The following TSGA10 variants were observed in gnomAD, a reference collection of about 807,000 sequenced individuals.
The protein encoded by TSGA10 is testis-specific gene 10 protein.
A neutral mutation model predicts 96.6 loss-of-function variants in TSGA10; 43 were observed. The ratio of observed to expected loss-of-function variants is 0.44; its 90% CI spans 0.35 to 0.57. TSGA10 has a LOEUF of 0.57. Among genes scored for constraint, TSGA10 ranks in the 20% least tolerant of loss-of-function variants. The pLI is 0.01. For synonymous variants in TSGA10, 229 were observed against 269.9 expected (o/e 0.85, Z 1.48); for missense variants, 703 against 834.4 (o/e 0.84, Z 1.94).
At chr2:99,103,756 A>G (rs1016893394) in intron 10 of TSGA10, among the ~76,000 whole-genome samples, 1 of 152,230 alleles carries the variant, frequency 6.6e-6, no homozygotes, top group Non-Finnish European at 1.5e-5. Flanking sequence ...TAAGATTACT[A>G]GAAGTGTGAT....
Position 99,081,349 on chromosome 2 carries a change from G to C in TSGA10, c.660C>G (p.His220Gln), listed in dbSNP as rs369985092. 2 of 1,594,522 alleles carry C rather than the reference G, an allele frequency of 1.3e-6. No individual in the cohort carries two copies. The highest frequency in any genetic ancestry group is 1.7e-6 in the Non-Finnish European group (2 of 1,170,626). Residue 220 changes from histidine to glutamine, a missense_variant, in exon 11 of 21, where the codon CAC (histidine) becomes CAG (glutamine). Coordinates refer to ENST00000393483, the MANE Select transcript of TSGA10 (RefSeq NM_025244.4). ...TEKDLSDTQRHLAKKKYELQL... is the reference protein window; with the variant it reads ...TEKDLSDTQRQLAKKKYELQL... ...GTAGCTCATATTTTTTCTTAGCAAG[G>C]TGTCGCTGAGTATCAGAAAGATCTT...
intron 20 of TSGA10, 111 bp from the exon 21 acceptor site, chr2:98,998,332 T>A (rs1281417617): frequency 3.4e-6 from 3 of 872,906 alleles, no homozygotes; most frequent in Non-Finnish European, 5.3e-6. Flanking sequence ...AGATTTTTCT[T>A]CATTTCTATG....
intron 1 of TSGA10, chr2:99,141,101 CCCCGGG>C (rs2093527156): frequency 7.8e-7 from 1 of 1,284,370 alleles, no homozygotes; most frequent in African/African-American, 1.5e-5. Context: ...CCGGGTCCCT[CCCCGGG>C]CTCCTCGGCC....
intron 16 of TSGA10, among the ~76,000 whole-genome samples, chr2:99,053,824 G>GA (rs1213933556): frequency 6.6e-6 from 1 of 151,918 alleles, no homozygotes; most frequent in South Asian, 2.1e-4. Context: ...AATAGCATAA[G>GA]AAAAAAGATG....
intron 16 of TSGA10, among the ~76,000 whole-genome samples, chr2:99,043,525 A>G (rs1323154101): frequency 1.3e-5 from 2 of 152,210 alleles, no homozygotes; most frequent in Non-Finnish European, 2.9e-5. Flanking sequence ...TTTCATCTTC[A>G]TATTTAGCAT....
intron 16 of TSGA10, among the ~76,000 whole-genome samples, chr2:99,045,648 A>G (rs969568284): frequency 1.6e-4 from 25 of 152,342 alleles, no homozygotes; most frequent in Middle Eastern, 3.4e-3. Context: ...TGTAAAGACC[A>G]TTGATGCTAG....
At chr2:99,018,672 C>A in intron 18 of TSGA10, 32 bp from the exon 19 acceptor site, 1 of 1,562,956 alleles carries the variant, frequency 6.4e-7, no homozygotes, top group Non-Finnish European at 8.7e-7. Context: ...TTATAGTTGA[C>A]TAAACTTAAA....
At chr2:99,143,146 T>C (rs2093591758) in intron 1 of TSGA10, among the ~76,000 whole-genome samples, 2 of 131,452 alleles carry the variant, frequency 1.5e-5, no homozygotes, top group Non-Finnish European at 3.2e-5. Flanking sequence ...TTTTTTTTTT[T>C]TTTTTTTTTT....
At chr2:99,130,172 G>C (rs1413218682) in intron 1 of TSGA10, among the ~76,000 whole-genome samples, 3 of 152,132 alleles carry the variant, frequency 2.0e-5, no homozygotes, top group African/African-American at 7.2e-5. Context: ...GTGTCAAATG[G>C]TATTTCTGAT....
At position 99,109,403 on chromosome 2, in the gene TSGA10, A is replaced by T. The variant is rs751453745; in HGVS notation, c.37T>A (p.Ser13Thr). The change falls in exon 6 of 21, where the codon TCA (serine) becomes ACA (threonine). Residue 13 changes from serine to threonine, a missense_variant. Around this residue, in one of 3 missense-constraint regions of TSGA10, gnomAD observed 585 missense variants for 656.8 expected, o/e 0.89. Transcript: ENST00000393483. ...RSRSKSPRRP[S>T]PTARGANCDV... ...ATAAAACCTACCCGGGCAGTTGGTGATGGGCGTCTTGGACTTTTAGACCTA... is the reference window on the plus strand; with the variant it reads ...ATAAAACCTACCCGGGCAGTTGGTGTTGGGCGTCTTGGACTTTTAGACCTA... 1.5e-5 allele frequency: 24 copies of T among 1,614,032 alleles called. No homozygotes were observed. The highest frequency in any genetic ancestry group is 1.9e-5 in the Non-Finnish European group (23 of 1,179,918).
chr2:99,088,613 T>C (rs2088872465), intron 10 of TSGA10, among the ~76,000 whole-genome samples: 2 of 152,276 alleles, frequency 1.3e-5, no homozygotes, highest in African/African-American at 4.8e-5. Flanking sequence ...AATCACACAA[T>C]CACGTGGAAA....
chr2:99,024,438 T>C (rs1035040391), intron 17 of TSGA10, among the ~76,000 whole-genome samples: 4 of 152,162 alleles, frequency 2.6e-5, no homozygotes, highest in African/African-American at 9.7e-5. Context: ...CCGTTTGATA[T>C]AATTTTTTTT....
intron 1 of TSGA10, chr2:99,141,237 C>T: frequency 1.0e-6 from 1 of 971,174 alleles, no homozygotes. Flanking sequence ...CCCAAATCGT[C>T]CTGGCCCCGC....
intron 1 of TSGA10, among the ~76,000 whole-genome samples, chr2:99,134,510 C>A (rs1443209328): frequency 6.6e-6 from 1 of 152,116 alleles, no homozygotes; most frequent in Non-Finnish European, 1.5e-5. Context: ...AGCTTCCTTG[C>A]ATTGGGTTAG....
chr2:99,092,644 C>G (rs1018216153), intron 10 of TSGA10, among the ~76,000 whole-genome samples: 2 of 152,074 alleles, frequency 1.3e-5, no homozygotes, highest in Non-Finnish European at 2.9e-5. Flanking sequence ...ACTACAAACA[C>G]CTTCACACGC....
intron 20 of TSGA10, among the ~76,000 whole-genome samples, chr2:99,011,146 A>G (rs1408937216): frequency 6.6e-6 from 1 of 152,150 alleles, no homozygotes; most frequent in African/African-American, 2.4e-5. Flanking sequence ...CACCTCTACT[A>G]GAGCAGGTAC....
intron 15 of TSGA10, among the ~76,000 whole-genome samples, chr2:99,065,994 A>G (rs925187794): frequency 6.6e-6 from 1 of 152,210 alleles, no homozygotes. Context: ...AATTCATTCT[A>G]AAAAATTAGT....
intron 1 of TSGA10, among the ~76,000 whole-genome samples, chr2:99,139,736 C>A (rs1164286013): frequency 1.3e-5 from 2 of 152,070 alleles, no homozygotes; most frequent in African/African-American, 2.4e-5. Context: ...AGTAAAGAAG[C>A]AAGATGTAAA....
At chr2:99,048,923 A>G (rs1454916396) in intron 16 of TSGA10, among the ~76,000 whole-genome samples, 3 of 152,220 alleles carry the variant, frequency 2.0e-5, no homozygotes, top group Admixed American at 1.3e-4. Context: ...TGGGCAAAGG[A>G]TATGAACAGG....
Sources: gnomAD v4.1 joint callset for allele counts (sites outside exome capture counted in the v4.1 genomes callset) on GRCh38, gnomAD v4.1.1 for gene constraint, gnomAD v4.1.1 regional missense constraint, MANE v1.5 for transcripts, NCBI Gene and HGNC (gene_info 2026-07-23, HGNC 2026-07-21) for gene names.